The following PNLIPRP3 variants were observed in gnomAD, a reference collection of about 807,000 sequenced individuals.
PNLIPRP3 encodes the protein pancreatic lipase-related protein 3.
Under a neutral mutation model 52.8 loss-of-function variants are expected in PNLIPRP3, and 58 were observed. The ratio of observed to expected loss-of-function variants is 1.10; its 90% CI spans 0.89 to 1.37. PNLIPRP3 has a LOEUF of 1.37. Ranked by LOEUF, PNLIPRP3 falls within the 40% of genes most tolerant of loss-of-function variation. PNLIPRP3 has a pLI of 0.00. For missense variants in PNLIPRP3, 593 were observed against 561.6 expected (o/e 1.06, Z -0.57); for synonymous variants, 192 against 185.0 (o/e 1.04, Z -0.31).
At chr10:116,465,119 C>T (rs1443749518) in intron 7 of PNLIPRP3, among the ~76,000 whole-genome samples, 1 of 152,280 alleles carries the variant, frequency 6.6e-6, no homozygotes, top group African/African-American at 2.4e-5. Context: ...TATCTGAAGG[C>T]AGGTAGTTCC....
chr10:116,468,184 G>A (rs1351857441), intron 8 of PNLIPRP3, among the ~76,000 whole-genome samples: 2 of 141,330 alleles, frequency 1.4e-5, no homozygotes, highest in Admixed American at 1.4e-4. Flanking sequence ...ATCTTTGTAT[G>A]TCTCTTTATG....
chr10:116,444,973 G>C (rs771872389), intron 4 of PNLIPRP3, among the ~76,000 whole-genome samples: 82 of 152,172 alleles, frequency 5.4e-4, no homozygotes, highest in Non-Finnish European at 7.1e-4. Context: ...ATTCTCTAAA[G>C]GAATTAAATA....
chr10:116,465,839 C>G (rs1171837658), intron 7 of PNLIPRP3, among the ~76,000 whole-genome samples: 1 of 152,192 alleles, frequency 6.6e-6, no homozygotes, highest in African/African-American at 2.4e-5. Flanking sequence ...CTTATTTCCA[C>G]TTCTTGAATG....
At chr10:116,468,613 G>A (rs908045603) in intron 8 of PNLIPRP3, among the ~76,000 whole-genome samples, 4 of 152,152 alleles carry the variant, frequency 2.6e-5, no homozygotes, top group African/African-American at 7.2e-5. Context: ...TGCTGTAAGC[G>A]GGGGCTTCTT....
intron 5 of PNLIPRP3, among the ~76,000 whole-genome samples, chr10:116,460,608 T>C (rs1462864809): frequency 1.3e-5 from 2 of 152,214 alleles, no homozygotes; most frequent in Non-Finnish European, 2.9e-5. Context: ...CAAAGAGTGG[T>C]TGTGTTTTTA....
intron 8 of PNLIPRP3, among the ~76,000 whole-genome samples, chr10:116,467,452 T>C (rs1846298477): frequency 6.6e-6 from 1 of 152,144 alleles, no homozygotes; most frequent in East Asian, 1.9e-4. Context: ...CTAGCCTAAA[T>C]GTCTATGGTT....
intron 5 of PNLIPRP3, among the ~76,000 whole-genome samples, chr10:116,459,060 C>T (rs1264373556): frequency 6.6e-6 from 1 of 152,118 alleles, no homozygotes; most frequent in Non-Finnish European, 1.5e-5. Flanking sequence ...GTGGACCCCT[C>T]CCGCCTTGCT....
chr10:116,438,686 A>C (rs1845813128), intron 2 of PNLIPRP3, among the ~76,000 whole-genome samples: 1 of 152,210 alleles, frequency 6.6e-6, no homozygotes, highest in African/African-American at 2.4e-5. Flanking sequence ...GTTTTTCAAC[A>C]ACCAAGATAT....
At chr10:116,469,665 TAAATGCCTGG>T (rs949393207) in intron 9 of PNLIPRP3, among the ~76,000 whole-genome samples, 1 of 152,092 alleles carries the variant, frequency 6.6e-6, no homozygotes, top group Admixed American at 6.5e-5. Context: ...ACCACGTCTG[TAAATGCCTGG>T]AAGTAAGAGA....
At chr10:116,459,462 A>G (rs1846160488) in intron 5 of PNLIPRP3, among the ~76,000 whole-genome samples, 1 of 152,020 alleles carries the variant, frequency 6.6e-6, no homozygotes, top group Non-Finnish European at 1.5e-5. Context: ...GATTTTGCTA[A>G]AATATAAATC....
In PNLIPRP3 at chr10:116,477,120, A is replaced by G. The variant is rs1354178446; in HGVS notation, c.1371A>G (p.Gly457=). The G allele has an allele frequency of 3.8e-6, 6 of 1,598,326 alleles. No individual in the cohort carries two copies. The highest frequency in any genetic ancestry group is 5.1e-6 in the Non-Finnish European group (6 of 1,169,076). ...KSTFCSQDIM[G]PNILQNLKPC ...CCTTCTGTAGCCAAGACATTATGGG[A>G]CCTAATATTCTCCAGAACCTGAAAC... The change falls in exon 12 of 12, where the codon GGA becomes GGG. Residue 457 remains glycine (G), a synonymous_variant. Coordinates refer to ENST00000369230, the MANE Select transcript of PNLIPRP3 (RefSeq NM_001011709.3).
intron 1 of PNLIPRP3, among the ~76,000 whole-genome samples, chr10:116,435,031 A>C (rs1316884888): frequency 6.6e-6 from 1 of 152,232 alleles, no homozygotes; most frequent in Admixed American, 6.5e-5. Context: ...TAGGAAAGAC[A>C]ATTCATTTGA....
intron 7 of PNLIPRP3, 84 bp from the exon 8 acceptor site, chr10:116,465,966 C>A (rs1846276204): frequency 9.9e-7 from 1 of 1,005,636 alleles, no homozygotes; most frequent in Non-Finnish European, 1.6e-6. Flanking sequence ...AAGACTGCCA[C>A]TTACAGTTAC....
intron 1 of PNLIPRP3, among the ~76,000 whole-genome samples, chr10:116,436,275 AT>A (rs72509439): frequency 0.73 from 111,816 of 152,164 alleles, 43,767 homozygotes; most frequent in South Asian, 0.9. Flanking sequence ...AACAAATGGT[AT>A]TGGGAATATT....
At chr10:116,439,417 C>A (rs1845825278) in intron 2 of PNLIPRP3, 1 of 584,566 alleles carries the variant, frequency 1.7e-6, no homozygotes, top group Admixed American at 2.5e-5. Flanking sequence ...CAGAGCTCCC[C>A]TACTCTAAGT....
At chr10:116,443,251 G>T in intron 3 of PNLIPRP3, 77 bp downstream of exon 3, 1 of 1,380,124 alleles carries the variant, frequency 7.2e-7, no homozygotes, top group Non-Finnish European at 9.7e-7. Flanking sequence ...GCAAGGTATT[G>T]ATGTATATTC....
In PNLIPRP3 at chr10:116,476,747, AT is replaced by A. The variant is rs749731389; in HGVS notation, c.1271del (p.Leu424CysfsTer14). 36 of 1,610,712 alleles carry A rather than the reference AT, an allele frequency of 2.2e-5. No homozygotes were observed. The highest frequency in any genetic ancestry group is 3.1e-5 in the Non-Finnish European group (36 of 1,178,264). ...ITSVQFIWKK[H>X]LFEDSQNKLG... Reference sequence around the variant, plus strand: ...AGTGTTCAGTTCATCTGGAAAAAACATTTGTTTGAAGATTCTCAGAATAAGT... The same window carrying A: ...AGTGTTCAGTTCATCTGGAAAAAACATTGTTTGAAGATTCTCAGAATAAGT... On this transcript the variant is annotated frameshift_variant, in exon 11 of 12. Coordinates refer to ENST00000369230, the MANE Select transcript of PNLIPRP3 (RefSeq NM_001011709.3). LOFTEE classifies it high-confidence loss of function.
chr10:116,443,619 TATATATATAACACATATATATAACAC>T lies in PNLIPRP3; in HGVS notation c.324+450_324+475del, dbSNP rs1312042683. Among the ~76,000 whole-genome samples the T allele has an allele frequency of 5.9e-3, 28 of 4,708 alleles. 1 individual carries two copies. Among genetic ancestry groups the T allele is most frequent in the Non-Finnish European group, 0.058 (9 of 156 alleles). 3.1% of individuals were successfully genotyped at this position (4,708 alleles called of 152,430 possible). A position where few individuals can be genotyped will look rare whatever the true frequency, so the allele number is the denominator to read the frequency against. ...GAATTAAATTTATATATATGTGTTT[TATATATATAACACATATATATAACAC>T]ATATGTGTTTATATATATAACACAT... On this transcript the variant is annotated intron_variant, in intron 3 of 11. Transcript: ENST00000369230.
In PNLIPRP3 at chr10:116,461,032, C is replaced by A. The variant is rs773980851; in HGVS notation, c.632C>A (p.Ala211Asp). Residue 211 changes from alanine (A) to aspartate (D), a missense_variant, in exon 6 of 12, where the codon GCC becomes GAC. By Grantham distance (126) the Ala-to-Asp change is moderately radical (BLOSUM62 -2). Coordinates refer to ENST00000369230, the MANE Select transcript of PNLIPRP3 (RefSeq NM_001011709.3). ...PKEVRLDPSDANFVDVIHTNA... is the reference protein window; with the variant it reads ...PKEVRLDPSDDNFVDVIHTNA... ...GAAGTCAGGCTAGACCCCTCGGATG[C>A]CAACTTTGTTGACGTTATTCATACA... is the stretch of plus-strand genomic sequence containing the variant. The A allele has an allele frequency of 9.9e-6, 16 of 1,613,956 alleles. No homozygotes were observed. The South Asian group carries it at 1.5e-4, about 16-fold the overall frequency.
Sources: allele counts gnomAD v4.1 joint callset (sites outside exome capture counted in the v4.1 genomes callset), GRCh38; gene constraint gnomAD v4.1.1; transcripts MANE v1.5; gene names NCBI Gene and HGNC (gene_info 2026-07-23, HGNC 2026-07-21).